FES: variants seen among roughly 807,000 people sequenced by gnomAD.
FES encodes tyrosine-protein kinase Fes/Fps.
In FES, 83 loss-of-function variants were observed where a neutral mutation model predicts 109.6. The ratio of observed to expected loss-of-function variants is 0.76; its 90% confidence interval spans 0.63 to 0.91. The LOEUF (loss-of-function observed/expected upper bound fraction) is 0.91, where lower values mean the gene tolerates loss of function less well. Ranked by LOEUF, FES falls within the 40% of genes least tolerant of loss-of-function variation. FES has a pLI of 0.00. For missense variants in FES, 943 were observed against 1,070.9 expected (o/e 0.88, Z 1.67); for synonymous variants, 458 against 442.1 (o/e 1.04, Z -0.45).
At chr15:90,892,937 C>A in intron 14 of FES, 112 bp downstream of exon 14, 3 of 1,341,236 alleles carry the variant, frequency 2.2e-6, no homozygotes, top group Non-Finnish European at 3.1e-6. Context: ...CGAGGCCCCC[C>A]ATTGCGGGTA....
chr15:90,888,885 C>T (rs1459982721), intron 5 of FES, among the ~76,000 whole-genome samples: 1 of 151,978 alleles, frequency 6.6e-6, no homozygotes, highest in African/African-American at 2.4e-5. Context: ...TCAAGCGATT[C>T]TCTTGCCTCA....
At position 90,889,888 on chromosome 15, in the gene FES, C is replaced by T; in HGVS notation, c.975C>T (p.Phe325=). The T allele has an allele frequency of 6.2e-7, 1 of 1,613,642 alleles. No individual in the cohort carries two copies. The highest frequency in any genetic ancestry group is 8.5e-7 in the Non-Finnish European group (1 of 1,179,944). The change falls in exon 8 of 19, where the codon TTC becomes TTT. Residue 325 remains phenylalanine (F), a synonymous_variant. Transcript: ENST00000328850. This position sits in a 1 kb window ranked among gnomAD's most constrained non-coding sequence, Gnocchi z 6.1. ...TGGCTGTGGCCACCGAGATGGTGTT[C>T]AGGCGGCAGGAGATGGTTACGCAGC... The part of the protein sequence containing the change: ...DELAVATEMV[F]RRQEMVTQLQ...
chr15:90,889,283 TG>T lies in FES; in HGVS notation c.669-19del. 2 of 1,611,546 alleles carry T rather than the reference TG, an allele frequency of 1.2e-6. No homozygotes were observed. ...TTGCCCAGCCTGAGGCTCCCCTGAC[TG>T]GGGATCCCGTCTCGGGGGCAGGAAG... On this transcript the variant is annotated intron_variant, in intron 5 of 18. Transcript: ENST00000328850. This position sits in a 1 kb window ranked among gnomAD's most constrained non-coding sequence, Gnocchi z 6.1.
At position 90,889,757 on chromosome 15, in the gene FES, G is replaced by A; in HGVS notation, c.927-83G>A. On this transcript the variant is annotated intron_variant, in intron 7 of 18. Transcript: ENST00000328850. This position sits in a 1 kb window ranked among gnomAD's most constrained non-coding sequence, Gnocchi z 6.1. ...GAGCTGTCACCAGGTGGCCGGGCTTGCTTGGCTCTACAGGGATGCACTGGA... is the reference window on the plus strand; with the variant it reads ...GAGCTGTCACCAGGTGGCCGGGCTTACTTGGCTCTACAGGGATGCACTGGA... The A allele has an allele frequency of 6.2e-7, 1 of 1,604,192 alleles. No individual in the cohort carries two copies.
intron 5 of FES, among the ~76,000 whole-genome samples, chr15:90,888,514 G>T (rs1176278255): frequency 6.6e-6 from 1 of 152,240 alleles, no homozygotes; most frequent in Non-Finnish European, 1.5e-5. Flanking sequence ...CCATAATCCA[G>T]ATCCAAGCTT....
Position 90,895,590 on chromosome 15 carries a change from C to G in FES, c.*32C>G, listed in dbSNP as rs780877412. 1.3e-6 allele frequency: 2 copies of G among 1,515,246 alleles called. No individual in the cohort carries two copies. Among genetic ancestry groups the G allele is most frequent in the Non-Finnish European group, 8.9e-7 (1 of 1,126,328 alleles). 93.9% of individuals were successfully genotyped at this position (1,515,246 alleles called of 1,614,324 possible). On this transcript the variant is annotated 3_prime_UTR_variant, in exon 19 of 19. Coordinates refer to ENST00000328850, the MANE Select transcript of FES (RefSeq NM_002005.4). ...GACCCCCTTCTCAAGCTGGTGGCCTCTGCAGGCCTAGGTGCAGCTCCTCAG... is the reference window on the plus strand; with the variant it reads ...GACCCCCTTCTCAAGCTGGTGGCCTGTGCAGGCCTAGGTGCAGCTCCTCAG...
At chr15:90,892,137 TGTC>T in intron 13 of FES, 26 bp downstream of exon 13, 1 of 1,613,676 alleles carries the variant, frequency 6.2e-7, no homozygotes. Flanking sequence ...CTGGCCTCCT[TGTC>T]GCTGGCGACT....
intron 3 of FES, among the ~76,000 whole-genome samples, chr15:90,886,187 G>A (rs965326089): frequency 1.3e-5 from 2 of 152,200 alleles, no homozygotes; most frequent in African/African-American, 2.4e-5. Flanking sequence ...GACCCACAGC[G>A]GCCCCTGGTG....
intron 2 of FES, 53 bp from the exon 3 acceptor site, chr15:90,885,359 T>G (rs7183988): frequency 0.54 from 868,498 of 1,595,226 alleles, 239,668 homozygotes; most frequent in East Asian, 0.83. Context: ...GGCAGGCCAA[T>G]GCTTGGGAGC....
At chr15:90,890,895 T>C in intron 10 of FES, 87 bp from the exon 11 acceptor site, 2 of 1,303,094 alleles carry the variant, frequency 1.5e-6, no homozygotes, top group South Asian at 1.4e-5. Flanking sequence ...TGAGGGCATA[T>C]AGGGGGGAGA....
chr15:90,892,846 C>A, intron 14 of FES, 21 bp downstream of exon 14: 1 of 1,603,776 alleles, frequency 6.2e-7, no homozygotes, highest in South Asian at 1.1e-5. Flanking sequence ...AACTAATGAT[C>A]ACCACGGGTC....
rs2033462745 is a variant in FES at position 90,893,818 on chromosome 15, A to G, written c.2203+7A>G. 1 of 1,592,944 alleles carries G rather than the reference A, an allele frequency of 6.3e-7. No individual in the cohort carries two copies. The highest frequency in any genetic ancestry group is 8.6e-7 in the Non-Finnish European group (1 of 1,168,392). On this transcript the variant is annotated splice_region_variant and intron_variant, in intron 17 of 18. Coordinates refer to ENST00000328850, the MANE Select transcript of FES (RefSeq NM_002005.4). ...CCTGAGGCCCTTAACTACGGTACCTAGTCCCTGTCTACCCTGGACTCCATG... is the reference window on the plus strand; with the variant it reads ...CCTGAGGCCCTTAACTACGGTACCTGGTCCCTGTCTACCCTGGACTCCATG...
In FES at chr15:90,887,064, G is replaced by A. The variant is rs1374321577; in HGVS notation, c.484+7G>A. On this transcript the variant is annotated splice_region_variant and intron_variant, in intron 4 of 18. Coordinates refer to ENST00000328850, the MANE Select transcript of FES (RefSeq NM_002005.4). ...TACCAGGAGGCCAGCAAAGGTTCGT[G>A]GCTTCCCTTGCTGGCAGGGAGGGAA... 6.2e-7 allele frequency: 1 copy of A among 1,613,838 alleles called. No individual in the cohort carries two copies. Among genetic ancestry groups the A allele is most frequent in the East Asian group, 2.2e-5 (1 of 44,898 alleles).
In FES at chr15:90,892,095, G is replaced by T; in HGVS notation, c.1691G>T (p.Gly564Val). The T allele has an allele frequency of 6.2e-7, 1 of 1,614,122 alleles. No individual in the cohort carries two copies. Among genetic ancestry groups the T allele is most frequent in the Non-Finnish European group, 8.5e-7 (1 of 1,179,994 alleles). Residue 564 changes from glycine to valine, a missense_variant, in exon 13 of 19, where the codon GGT becomes GTT. Gly to Val is a moderately radical substitution (Grantham distance 109). Coordinates refer to ENST00000328850, the MANE Select transcript of FES (RefSeq NM_002005.4). Reference protein sequence around the residue: ...WVLNHEDLVLGEQIGRGNFGE... With the variant: ...WVLNHEDLVLVEQIGRGNFGE... ...CTGAACCATGAGGACCTGGTGTTGG[G>T]TGAGCAGATTGGACGGGTGAGTGCG...
intron 10 of FES, 58 bp downstream of exon 10, chr15:90,890,542 A>G (rs952906062): frequency 4.7e-6 from 7 of 1,495,664 alleles, no homozygotes; most frequent in South Asian, 2.3e-5. Context: ...AATCACTGGG[A>G]TGTCCTAGAG....
rs56387260 is a variant in FES at position 90,891,038 on chromosome 15, G to A, written c.1377G>A (p.Leu459=). 1,545 of 1,599,150 alleles carry A rather than the reference G, an allele frequency of 9.7e-4. 13 individuals carry two copies. In the African/African-American group the frequency reaches 0.018, roughly 19 times the overall value. Residue 459 remains leucine, a synonymous_variant, in exon 11 of 19, where the codon CTG becomes CTA. Coordinates refer to ENST00000328850, the MANE Select transcript of FES (RefSeq NM_002005.4). ...PEVQKPLHEQ[L]WYHGAIPRAE... Reference sequence around the variant, plus strand: ...TGCAGAAGCCCCTGCATGAGCAGCTGTGGTACCACGGGGCCATCCCGAGGG... The same window carrying A: ...TGCAGAAGCCCCTGCATGAGCAGCTATGGTACCACGGGGCCATCCCGAGGG...
chr15:90,891,029 T>A lies in FES; in HGVS notation c.1368T>A (p.His456Gln). The change falls in exon 11 of 19, where the codon CAT (histidine) becomes CAA (glutamine). Residue 456 changes from histidine to glutamine, a missense_variant. Coordinates refer to ENST00000328850, the MANE Select transcript of FES (RefSeq NM_002005.4). ...TTCCGGAGGTGCAGAAGCCCCTGCATGAGCAGCTGTGGTACCACGGGGCCA... is the reference window on the plus strand; with the variant it reads ...TTCCGGAGGTGCAGAAGCCCCTGCAAGAGCAGCTGTGGTACCACGGGGCCA... The part of the protein sequence containing the change: ...QLIPEVQKPL[H>Q]EQLWYHGAIP... The A allele has an allele frequency of 6.3e-7, 1 of 1,598,538 alleles. No homozygotes were observed. The highest frequency in any genetic ancestry group is 8.5e-7 in the Non-Finnish European group (1 of 1,172,382).
Position 90,890,482 on chromosome 15 carries a change from T to A in FES, c.1318T>A (p.Ser440Thr), listed in dbSNP as rs780121381. Residue 440 changes from serine to threonine, a missense_variant and splice_region_variant, in exon 10 of 19, where the codon TCG becomes ACG. Coordinates refer to ENST00000328850, the MANE Select transcript of FES (RefSeq NM_002005.4). Reference sequence around the variant, plus strand: ...CTCAGGAATCTTCCGCCCCAAGTTCTCGGTGAGTGGCGCCCAGCCTGGGCC... The same window carrying A: ...CTCAGGAATCTTCCGCCCCAAGTTCACGGTGAGTGGCGCCCAGCCTGGGCC... Reference protein sequence around the residue: ...HISGIFRPKFSLPPPLQLIPE... With the variant: ...HISGIFRPKFTLPPPLQLIPE... 1.1e-5 allele frequency: 17 copies of A among 1,612,140 alleles called. No homozygotes were observed. Among genetic ancestry groups the A allele is most frequent in the Middle Eastern group, 1.6e-4 (1 of 6,082 alleles).
At position 90,892,745 on chromosome 15, in the gene FES, C is replaced by T. The variant is rs750146495; in HGVS notation, c.1746C>T (p.Ala582=). 81 of 1,613,146 alleles carry T rather than the reference C, an allele frequency of 5.0e-5. No individual in the cohort carries two copies. Among genetic ancestry groups the T allele is most frequent in the Non-Finnish European group, 6.4e-5 (76 of 1,179,820 alleles). The part of the protein sequence containing the change: ...FGEVFSGRLR[A]DNTLVAVKSC... ...AAGTGTTCAGCGGACGCCTGCGAGC[C>T]GACAACACCCTGGTGGCGGTGAAGT... The change falls in exon 14 of 19, where the codon GCC becomes GCT. Residue 582 remains alanine, a synonymous_variant. Transcript: ENST00000328850.
Sources: allele counts gnomAD v4.1 joint callset (sites outside exome capture counted in the v4.1 genomes callset), GRCh38; gene constraint gnomAD v4.1.1; non-coding constraint Gnocchi (gnomAD v3.1); transcripts MANE v1.5; gene names NCBI Gene and HGNC (gene_info 2026-07-23, HGNC 2026-07-21).